BMP8A: variants seen among roughly 807,000 people sequenced by gnomAD.
BMP8A encodes the protein BMP-8A.
Under a neutral mutation model 36.8 loss-of-function variants are expected in BMP8A, and 14 were observed. The ratio of observed to expected loss-of-function variants is 0.38; its 90% CI spans 0.25 to 0.60. The LOEUF (loss-of-function observed/expected upper bound fraction) is 0.60. BMP8A is among the 20% of genes least tolerant of loss of function. The pLI, the probability that BMP8A is intolerant of heterozygous loss-of-function variation, is 0.63. For synonymous variants in BMP8A, 120 were observed against 237.7 expected (o/e 0.50, Z 4.55); for missense variants, 267 against 551.1 (o/e 0.48, Z 5.16).
chr1:39,527,240 TG>T lies in BMP8A; in HGVS notation c.*1445del, dbSNP rs1396246534. On this transcript the variant is annotated 3_prime_UTR_variant, in exon 7 of 7. Coordinates refer to ENST00000331593, the MANE Select transcript of BMP8A (RefSeq NM_181809.4). Reference sequence around the variant, plus strand: ...GTGACAGGCAGTAATTAGGCTGAGTTGGGTGGGGAGGTTTGTCTCGGCCTCC... The same window carrying T: ...GTGACAGGCAGTAATTAGGCTGAGTTGGTGGGGAGGTTTGTCTCGGCCTCC... Among the ~76,000 whole-genome samples, 23 of 152,126 alleles carry T rather than the reference TG, an allele frequency of 1.5e-4. No homozygotes were observed. The highest frequency in any genetic ancestry group is 2.8e-4 in the Non-Finnish European group (19 of 68,016).
intron 1 of BMP8A, among the ~76,000 whole-genome samples, chr1:39,506,957 CAGT>C (rs1645307342): frequency 6.6e-6 from 1 of 152,176 alleles, no homozygotes; most frequent in Admixed American, 6.5e-5. Context: ...GAGGAAAAGT[CAGT>C]ATTCTTATAA....
At chr1:39,514,758 C>CG (rs1370438557) in intron 3 of BMP8A, among the ~76,000 whole-genome samples, 16 of 152,082 alleles carry the variant, frequency 1.1e-4, no homozygotes, top group Admixed American at 6.5e-5. Flanking sequence ...AGGACTGACT[C>CG]GGGGCCCCCA....
At chr1:39,517,450 G>A (rs1486156350) in intron 3 of BMP8A, among the ~76,000 whole-genome samples, 18 of 151,618 alleles carry the variant, frequency 1.2e-4, no homozygotes, top group Non-Finnish European at 4.4e-5. Flanking sequence ...CAAGTAGCTG[G>A]GATTACAGGC....
chr1:39,525,988 T>C lies in BMP8A; in HGVS notation c.*190T>C, dbSNP rs1040664380. The C allele has an allele frequency of 2.2e-4, 227 of 1,015,688 alleles. 2 individuals carry two copies. The highest frequency in any genetic ancestry group is 8.2e-5 in the Admixed American group (3 of 36,714). The allele number at this position is 1,015,688 out of a possible 1,614,324, so 62.9% of individuals were successfully genotyped here. On this transcript the variant is annotated 3_prime_UTR_variant, in exon 7 of 7. Coordinates refer to ENST00000331593, the MANE Select transcript of BMP8A (RefSeq NM_181809.4). ...GCCCCTCCCCTGGGGTTTGTGGCTG[T>C]CACTCTGCCCGACACTTTGGTGGCC...
rs2124381110 is a variant in BMP8A at position 39,523,454 on chromosome 1, T to C, written c.1059+337T>C. 4.1e-6 allele frequency: 5 copies of C among 1,232,470 alleles called. No homozygotes were observed. The East Asian group carries it at 1.4e-4, about 35-fold the overall frequency. 76.3% of individuals were successfully genotyped at this position (1,232,470 alleles called of 1,614,324 possible). A position where few individuals can be genotyped will look rare whatever the true frequency, so the allele number is the denominator to read the frequency against. ...GCACATGAAACAGATGTGTACACTG[T>C]GTGGGGGCTGTGTGATCTTAACACA... On this transcript the variant is annotated intron_variant, in intron 6 of 6. Transcript: ENST00000331593.
intron 1 of BMP8A, among the ~76,000 whole-genome samples, chr1:39,508,084 T>C (rs1645317567): frequency 6.6e-6 from 1 of 152,130 alleles, no homozygotes; most frequent in Admixed American, 6.5e-5. Flanking sequence ...ACCCTGTCTC[T>C]ACTAAAAATA....
intron 3 of BMP8A, among the ~76,000 whole-genome samples, chr1:39,519,858 G>C (rs1317450571): frequency 1.8e-4 from 23 of 130,236 alleles, no homozygotes; most frequent in Non-Finnish European, 3.6e-4. Flanking sequence ...ATAACATGGA[G>C]GTGAAATGTA....
intron 1 of BMP8A, among the ~76,000 whole-genome samples, chr1:39,501,626 G>A (rs913487886): frequency 1.1e-4 from 16 of 152,120 alleles, no homozygotes; most frequent in Non-Finnish European, 2.4e-4. Flanking sequence ...CTGATGCCTG[G>A]CTAATTTAAA....
Position 39,505,985 on chromosome 1 carries a change from C to CAAAAAA in BMP8A, c.335-5189_335-5188insAAAAAA, listed in dbSNP as rs369981354. On this transcript the variant is annotated intron_variant, in intron 1 of 6. Coordinates refer to ENST00000331593, the MANE Select transcript of BMP8A (RefSeq NM_181809.4). ...TGGGTGACAGAGCAAGACCCTGTCT[C>CAAAAAA]CAAAAAAAAAAAAAAAAAAAAGTGT... Among the ~76,000 whole-genome samples the CAAAAAA allele has an allele frequency of 5.4e-4, 51 of 93,878 alleles. 17 individuals are homozygous for CAAAAAA. Among genetic ancestry groups the CAAAAAA allele is most frequent in the Admixed American group, 7.2e-4 (6 of 8,326 alleles). 61.6% of individuals were successfully genotyped at this position (93,878 alleles called of 152,430 possible).
At position 39,523,904 on chromosome 1, in the gene BMP8A, C is replaced by T. The variant is rs760679989; in HGVS notation, c.1059+787C>T. 8 of 240,418 alleles carry T rather than the reference C, an allele frequency of 3.3e-5. No individual in the cohort carries two copies. In the Admixed American group the frequency reaches 3.5e-4, roughly 11 times the overall value. 14.9% of individuals were successfully genotyped at this position (240,418 alleles called of 1,614,324 possible). A position where few individuals can be genotyped will look rare whatever the true frequency, so the allele number is the denominator to read the frequency against. On this transcript the variant is annotated intron_variant, in intron 6 of 6. Transcript: ENST00000331593. ...CAGGCGCAGTGGCTCACCCTGTAAT[C>T]GCAGCACACGAGCCCAGAAGTTCAA...
rs1425083546 is a variant in BMP8A, at chr1:39,526,787, T to C, written c.*989T>C. Among the ~76,000 whole-genome samples, 1 of 152,188 alleles carries C rather than the reference T, an allele frequency of 6.6e-6. No individual in the cohort carries two copies. The highest frequency in any genetic ancestry group is 2.4e-5 in the African/African-American group (1 of 41,442). ...TCTACCATGCTGACCCATTTGGGGCTCAGCACTGAGACAGAGGCAAGACCA... is the reference window on the plus strand; with the variant it reads ...TCTACCATGCTGACCCATTTGGGGCCCAGCACTGAGACAGAGGCAAGACCA... On this transcript the variant is annotated 3_prime_UTR_variant, in exon 7 of 7. Coordinates refer to ENST00000331593, the MANE Select transcript of BMP8A (RefSeq NM_181809.4).
chr1:39,492,950 T>C (rs952309594), intron 1 of BMP8A, among the ~76,000 whole-genome samples: 2 of 152,172 alleles, frequency 1.3e-5, no homozygotes, highest in Non-Finnish European at 2.9e-5. Flanking sequence ...TCCTGTGGAA[T>C]GGCCCAGTGG....
In BMP8A at chr1:39,524,569, A is replaced by G. The variant is rs916449405; in HGVS notation, c.1060-1080A>G. ...GGCCCTAAGTTCAGGGCCAGCAGGG[A>G]GGAGAGGGGCTGGGTGCAGTGAAGG... On this transcript the variant is annotated intron_variant, in intron 6 of 6. Coordinates refer to ENST00000331593, the MANE Select transcript of BMP8A (RefSeq NM_181809.4). The surrounding 1 kb of genome is among the most constrained non-coding windows in gnomAD (Gnocchi z 4.0). Among the ~76,000 whole-genome samples the G allele has an allele frequency of 3.3e-5, 5 of 151,878 alleles. No individual in the cohort carries two copies. The highest frequency in any genetic ancestry group is 1.2e-4 in the African/African-American group (5 of 41,274).
At chr1:39,508,732 CAAAG>C (rs1434505677) in intron 1 of BMP8A, among the ~76,000 whole-genome samples, 1 of 152,230 alleles carries the variant, frequency 6.6e-6, no homozygotes, top group Admixed American at 6.5e-5. Flanking sequence ...ATGGCTCCAG[CAAAG>C]AAAGGGCACT....
chr1:39,506,001 A>AG (rs1266364702), intron 1 of BMP8A, among the ~76,000 whole-genome samples: 8 of 151,476 alleles, frequency 5.3e-5, no homozygotes, highest in Non-Finnish European at 4.4e-5. Flanking sequence ...AAAAAAAAAA[A>AG]AAAAAGTGTC....
chr1:39,527,587 T>C lies in BMP8A; in HGVS notation c.*1789T>C, dbSNP rs1360871326. Among the ~76,000 whole-genome samples the C allele has an allele frequency of 6.6e-6, 1 of 152,174 alleles. No homozygotes were observed. Among genetic ancestry groups the C allele is most frequent in the Admixed American group, 6.5e-5 (1 of 15,274 alleles). On this transcript the variant is annotated 3_prime_UTR_variant, in exon 7 of 7. Transcript: ENST00000331593. The stretch of plus-strand genomic sequence containing the variant: ...ACTGCGGGACAGCAGCCCCTCCACC[T>C]GGACCAGGGAGGGCCTCCATGTGCA...
intron 6 of BMP8A, chr1:39,523,637 C>A: frequency 6.9e-7 from 1 of 1,450,164 alleles, no homozygotes; most frequent in Non-Finnish European, 9.1e-7. Flanking sequence ...CAGTTTCTCT[C>A]TTGGCTGTCT....
chr1:39,494,698 G>A (rs1415014237), intron 1 of BMP8A, among the ~76,000 whole-genome samples: 1 of 152,120 alleles, frequency 6.6e-6, no homozygotes, highest in African/African-American at 2.4e-5. Flanking sequence ...TTTAATTCAT[G>A]TGAGACTGTT....
rs1570264219 is a variant in BMP8A at position 39,491,976 on chromosome 1, G to A, written c.-16G>A. 11 of 1,076,404 alleles carry A rather than the reference G, an allele frequency of 1.0e-5. No homozygotes were observed. In the East Asian group the frequency reaches 6.9e-4, roughly 68 times the overall value. 66.7% of individuals were successfully genotyped at this position (1,076,404 alleles called of 1,614,324 possible). ...GGCGGAGCTGATGTGCGCCCGCTGAGCGCCCCCGGCCCGCCATGGCCGCGC... is the reference window on the plus strand; with the variant it reads ...GGCGGAGCTGATGTGCGCCCGCTGAACGCCCCCGGCCCGCCATGGCCGCGC... On this transcript the variant is annotated 5_prime_UTR_variant, in exon 1 of 7. Coordinates refer to ENST00000331593, the MANE Select transcript of BMP8A (RefSeq NM_181809.4).
Sources: gnomAD v4.1 joint callset for allele counts (sites outside exome capture counted in the v4.1 genomes callset) on GRCh38, gnomAD v4.1.1 for gene constraint, Gnocchi (gnomAD v3.1) non-coding constraint, MANE v1.5 for transcripts, NCBI Gene and HGNC (gene_info 2026-07-23, HGNC 2026-07-21) for gene names.